Variants in EPHB1 observed in about 807,000 individuals in gnomAD.
The protein encoded by EPHB1 is ephrin type-B receptor 1.
A neutral mutation model predicts 94.4 loss-of-function variants in EPHB1; 30 were observed. That is an observed-to-expected ratio of 0.32 (90% CI 0.24 to 0.43). The LOEUF is 0.43. Among genes scored for constraint, EPHB1 ranks in the 20% least tolerant of loss-of-function variants. The pLI is 1.00. For missense variants in EPHB1, 1,055 were observed against 1,308.3 expected, an observed-to-expected ratio of 0.81 and a Z score of 2.99; for synonymous variants, 522 against 489.1, an observed-to-expected ratio of 1.07 and a Z score of -0.89.
chr3:135,131,211 T>C (rs982799344), intron 4 of EPHB1, among the ~76,000 whole-genome samples: 2 of 152,254 alleles, frequency 1.3e-5, no homozygotes, highest in Admixed American at 1.3e-4. Flanking sequence ...CGCTGTGCTT[T>C]AGCTCAGGCC....
intron 3 of EPHB1, chr3:135,067,603 C>T (rs1046679516): frequency 2.0e-5 from 3 of 152,228 alleles, no homozygotes; most frequent in South Asian, 2.1e-4. Flanking sequence ...AAGAACTTGC[C>T]CCAGGCTACC....
rs61002729 is a variant in EPHB1, at chr3:134,827,363, GCACA to G, written c.58+31697_58+31700del. On this transcript the variant is annotated intron_variant, in intron 1 of 15. Transcript: ENST00000398015. Reference sequence around the variant, plus strand: ...TCAACAGATGTGCGCGGGTGCGCGTGCACACACACACACACACACACACACATAC... The same window carrying G: ...TCAACAGATGTGCGCGGGTGCGCGTGCACACACACACACACACACACATAC... Among the ~76,000 whole-genome samples the G allele has an allele frequency of 5.1e-3, 766 of 150,520 alleles. 3 individuals are homozygous for G. Among genetic ancestry groups the G allele is most frequent in the African/African-American group, 8.2e-3 (339 of 41,208 alleles).
At chr3:134,863,981 G>A (rs2037319103) in intron 1 of EPHB1, among the ~76,000 whole-genome samples, 1 of 152,190 alleles carries the variant, frequency 6.6e-6, no homozygotes, top group Non-Finnish European at 1.5e-5. Flanking sequence ...AGGGACAGAG[G>A]GGTGGGAAAT....
chr3:135,180,513 T>G (rs1045363140), intron 10 of EPHB1, among the ~76,000 whole-genome samples: 1 of 152,164 alleles, frequency 6.6e-6, no homozygotes, highest in Non-Finnish European at 1.5e-5. Flanking sequence ...GTTTGTTTGT[T>G]TTACAAAAAA....
intron 15 of EPHB1, among the ~76,000 whole-genome samples, chr3:135,250,019 CAGAA>C (rs1249819904): frequency 1.3e-5 from 2 of 152,132 alleles, no homozygotes; most frequent in Non-Finnish European, 2.9e-5. Flanking sequence ...AGACGAGAGC[CAGAA>C]AGAGTTTTAA....
intron 3 of EPHB1, among the ~76,000 whole-genome samples, chr3:135,105,828 A>G (rs1939195714): frequency 6.6e-6 from 1 of 152,244 alleles, no homozygotes; most frequent in African/African-American, 2.4e-5. Flanking sequence ...ATGCAATTAA[A>G]GGAGAATGAT....
rs773578014 is a variant in EPHB1 at position 135,192,597 on chromosome 3, A to T, written c.1904A>T (p.Lys635Met). The change falls in exon 11 of 16, where the codon AAG (lysine) becomes ATG (methionine). Residue 635 changes from lysine to methionine, a missense_variant. Lys to Met is a moderately conservative substitution (Grantham distance 95, BLOSUM62 -1). Coordinates refer to ENST00000398015, the MANE Select transcript of EPHB1 (RefSeq NM_004441.5). ...IGAGEFGEVY[K>M]GRLKLPGKRE... ...GCAGGGGAGTTTGGAGAAGTGTACA[A>T]GGGGCGTTTGAAACTGCCAGGCAAG... 2 of 1,613,886 alleles carry T rather than the reference A, an allele frequency of 1.2e-6. No individual in the cohort carries two copies. The highest frequency in any genetic ancestry group is 4.5e-5 in the East Asian group (2 of 44,866).
intron 5 of EPHB1, among the ~76,000 whole-genome samples, 165 bp from the exon 6 acceptor site, chr3:135,153,987 T>A (rs1239993745): frequency 6.6e-6 from 1 of 152,206 alleles, no homozygotes; most frequent in East Asian, 1.9e-4. Flanking sequence ...CTCCATTGAT[T>A]CTGCAAAACC....
intron 4 of EPHB1, among the ~76,000 whole-genome samples, chr3:135,115,344 G>A (rs1939647566): frequency 6.6e-6 from 1 of 152,198 alleles, no homozygotes; most frequent in South Asian, 2.1e-4. Context: ...TGTTGCCACA[G>A]CTCAGCTTCT....
intron 5 of EPHB1, among the ~76,000 whole-genome samples, chr3:135,142,094 T>C (rs1479223487): frequency 6.6e-6 from 1 of 152,226 alleles, no homozygotes; most frequent in Non-Finnish European, 1.5e-5. Flanking sequence ...ATCAGGATAT[T>C]ACTTATGCAG....
chr3:134,982,542 C>T (rs576562729), intron 3 of EPHB1, among the ~76,000 whole-genome samples: 23 of 152,242 alleles, frequency 1.5e-4, no homozygotes, highest in African/African-American at 5.1e-4. Context: ...CAGCTCTGTC[C>T]CTCAGTCTAC....
chr3:134,854,287 T>C (rs779087266), intron 1 of EPHB1, among the ~76,000 whole-genome samples: 4 of 152,116 alleles, frequency 2.6e-5, no homozygotes, highest in Non-Finnish European at 5.9e-5. Flanking sequence ...AGGATTCTGC[T>C]TGATGATTTA....
chr3:135,246,540 A>AAACTT (rs1382809701), intron 13 of EPHB1, among the ~76,000 whole-genome samples: 1 of 152,198 alleles, frequency 6.6e-6, no homozygotes, highest in Admixed American at 6.5e-5. Context: ...GAAGTATTCA[A>AAACTT]AACTTAAAAT....
At chr3:135,221,562 G>A (rs1005966713) in intron 12 of EPHB1, among the ~76,000 whole-genome samples, 1 of 152,086 alleles carries the variant, frequency 6.6e-6, no homozygotes, top group Non-Finnish European at 1.5e-5. Context: ...ACAATCTAAC[G>A]CACAGGACTT....
intron 3 of EPHB1, among the ~76,000 whole-genome samples, chr3:134,996,605 G>A (rs1225386890): frequency 2.0e-5 from 3 of 152,100 alleles, no homozygotes; most frequent in Non-Finnish European, 4.4e-5. Context: ...CTATACTGAT[G>A]AGCCCTTCAT....
At chr3:135,169,326 T>C (rs1941740954) in intron 9 of EPHB1, among the ~76,000 whole-genome samples, 1 of 152,136 alleles carries the variant, frequency 6.6e-6, no homozygotes, top group African/African-American at 2.4e-5. Flanking sequence ...TGCAGGGTTT[T>C]TTGTGGGTCT....
chr3:135,121,060 G>T (rs1383336733), intron 4 of EPHB1, among the ~76,000 whole-genome samples: 1 of 152,188 alleles, frequency 6.6e-6, no homozygotes, highest in Admixed American at 6.5e-5. Flanking sequence ...TCTTGTAAAA[G>T]AAACACCTTA....
chr3:134,971,221 C>A (rs895826101), intron 3 of EPHB1, among the ~76,000 whole-genome samples: 11 of 152,166 alleles, frequency 7.2e-5, no homozygotes, highest in Non-Finnish European at 1.5e-4. Flanking sequence ...TACAGAGAGA[C>A]CAGAAGAAAA....
chr3:135,049,900 A>G (rs1246603344), intron 3 of EPHB1, among the ~76,000 whole-genome samples: 1 of 152,174 alleles, frequency 6.6e-6, no homozygotes, highest in African/African-American at 2.4e-5. Flanking sequence ...TGTTGGAAAC[A>G]TGAGATAGGG....
Sources: gnomAD v4.1 joint callset for allele counts (sites outside exome capture counted in the v4.1 genomes callset) on GRCh38, gnomAD v4.1.1 for gene constraint, MANE v1.5 for transcripts, NCBI Gene and HGNC (gene_info 2026-07-23, HGNC 2026-07-21) for gene names.